The following GRM7 variants were observed in gnomAD, a reference collection of about 807,000 sequenced individuals.
The protein encoded by GRM7 is metabotropic glutamate receptor 7.
Under a neutral mutation model 84.5 loss-of-function variants are expected in GRM7, and 35 were observed. The ratio of observed to expected loss-of-function variants is 0.41; its 90% CI spans 0.32 to 0.55. The LOEUF is 0.55. Among genes scored for constraint, GRM7 ranks in the 20% least tolerant of loss-of-function variants. The pLI is 0.19. For missense variants in GRM7, 1,003 were observed against 1,194.6 expected (o/e 0.84, Z 2.36); for synonymous variants, 487 against 455.1 (o/e 1.07, Z -0.89).
chr3:7,516,432 G>A lies in GRM7; in HGVS notation c.1515+54710G>A, dbSNP rs113183281. On this transcript the variant is annotated intron_variant, in intron 7 of 9. Coordinates refer to ENST00000357716, the MANE Select transcript of GRM7 (RefSeq NM_000844.4). ...GTGGAGCTTGCAGTGAGCCGATATC[G>A]TGCCCCTGCACTCCAGCCTGGGCGG... Among the ~76,000 whole-genome samples the A allele has an allele frequency of 1.9e-3, 237 of 125,110 alleles. 1 individual carries two copies. Among genetic ancestry groups the A allele is most frequent in the African/African-American group, 6.5e-3 (212 of 32,614 alleles). 82.1% of individuals were successfully genotyped at this position (125,110 alleles called of 152,430 possible). A position where few individuals can be genotyped will look rare whatever the true frequency, so the allele number is the denominator to read the frequency against.
At chr3:7,351,982 G>A (rs1693167571) in intron 4 of GRM7, among the ~76,000 whole-genome samples, 1 of 151,394 alleles carries the variant, frequency 6.6e-6, no homozygotes, top group African/African-American at 2.4e-5. Context: ...GCGATTATGT[G>A]AGCCAATTCC....
intron 1 of GRM7, among the ~76,000 whole-genome samples, chr3:6,877,948 AC>A (rs1045405969): frequency 9.1e-6 from 1 of 109,472 alleles, no homozygotes; most frequent in African/African-American, 3.8e-5. Context: ...TCAATAACTT[AC>A]TTTTTTTTTT....
At chr3:7,542,733 A>G (rs922368861) in intron 7 of GRM7, among the ~76,000 whole-genome samples, 4 of 151,906 alleles carry the variant, frequency 2.6e-5, no homozygotes, top group Non-Finnish European at 4.4e-5. Context: ...TTTTTAGTAG[A>G]GACAGGTTTT....
rs759920606 is a variant in GRM7 at position 7,578,647 on chromosome 3, A to G, written c.1741A>G (p.Ile581Val). The G allele has an allele frequency of 2.5e-6, 4 of 1,613,844 alleles. No individual in the cohort carries two copies. Among genetic ancestry groups the G allele is most frequent in the Admixed American group, 1.7e-5 (1 of 60,010 alleles). The change falls in exon 8 of 10, where the codon ATC (isoleucine) becomes GTC (valine). Residue 581 changes from isoleucine (I) to valine (V), a missense_variant. Physicochemically the swap from Ile to Val is conservative, Grantham distance 29 (BLOSUM62 3). This residue lies in a region of GRM7 where 910 missense variants were observed against 1,126.0 expected (regional missense o/e 0.81). Coordinates refer to ENST00000357716, the MANE Select transcript of GRM7 (RefSeq NM_000844.4). The part of the protein sequence containing the change: ...ENRTGCQDIP[I>V]IKLEWHSPWA... ...TCGAACCGGATGCCAGGATATTCCC[A>G]TCATCAAACTGGAGTGGCACTCCCC...
intron 7 of GRM7, among the ~76,000 whole-genome samples, chr3:7,498,855 C>G (rs1699790720): frequency 6.6e-6 from 1 of 152,194 alleles, no homozygotes; most frequent in Non-Finnish European, 1.5e-5. Flanking sequence ...CCAGAGCCCT[C>G]CACTTTCTGT....
At chr3:7,502,012 A>G (rs546071177) in intron 7 of GRM7, among the ~76,000 whole-genome samples, 208 of 152,308 alleles carry the variant, frequency 1.4e-3, no homozygotes, top group African/African-American at 4.8e-3. Flanking sequence ...TTTGTAAAAA[A>G]AGTTGGCTTT....
At chr3:7,229,527 T>G (rs2124894719) in intron 2 of GRM7, among the ~76,000 whole-genome samples, 1 of 151,538 alleles carries the variant, frequency 6.6e-6, no homozygotes, top group African/African-American at 2.4e-5. Context: ...ATGAAGATAC[T>G]AGTGATTTTT....
chr3:7,276,800 TTC>T (rs1699085083), intron 2 of GRM7, among the ~76,000 whole-genome samples: 2 of 2,016 alleles, frequency 9.9e-4, no homozygotes, highest in African/African-American at 2.8e-3. Flanking sequence ...CCTTCCTTCC[TTC>T]CTTTTTGGTG....
chr3:6,968,867 C>T (rs756012266), intron 1 of GRM7, among the ~76,000 whole-genome samples: 1 of 152,148 alleles, frequency 6.6e-6, no homozygotes, highest in South Asian at 2.1e-4. Context: ...ACATGTGTAC[C>T]GCTCTGTAGA....
chr3:7,739,783 A>C (rs1702627623), intron 9 of GRM7, among the ~76,000 whole-genome samples: 1 of 152,228 alleles, frequency 6.6e-6, no homozygotes, highest in Non-Finnish European at 1.5e-5. Context: ...TATGTGTCAG[A>C]CACCTGACAG....
chr3:7,130,066 C>G (rs763356752), intron 1 of GRM7, among the ~76,000 whole-genome samples: 2 of 152,144 alleles, frequency 1.3e-5, no homozygotes, highest in African/African-American at 4.8e-5. Flanking sequence ...AACTTTTCCT[C>G]TCTGAGCATT....
chr3:7,492,557 T>C (rs1360531082), intron 7 of GRM7, among the ~76,000 whole-genome samples: 2 of 152,134 alleles, frequency 1.3e-5, no homozygotes, highest in African/African-American at 4.8e-5. Flanking sequence ...TATAGCAATA[T>C]AGTAAATTAT....
At chr3:6,993,232 A>G (rs1157764152) in intron 1 of GRM7, among the ~76,000 whole-genome samples, 3 of 152,224 alleles carry the variant, frequency 2.0e-5, no homozygotes, top group Non-Finnish European at 2.9e-5. Flanking sequence ...TCATGATTCA[A>G]TTACCTCACA....
At position 6,880,729 on chromosome 3, in the gene GRM7, A is replaced by G. The variant is rs542971603; in HGVS notation, c.519+18822A>G. Among the ~76,000 whole-genome samples, 141 of 152,208 alleles carry G rather than the reference A, an allele frequency of 9.3e-4. 1 individual carries two copies. The highest frequency in any genetic ancestry group is 1.6e-3 in the Admixed American group (24 of 15,270). The stretch of plus-strand genomic sequence containing the variant: ...TCTCTCACTCGTCTTTGTCAAAAGC[A>G]TTTCTCAGTGTCTTTATTCCTTCTC... On this transcript the variant is annotated intron_variant, in intron 1 of 9. Transcript: ENST00000357716.
intron 1 of GRM7, among the ~76,000 whole-genome samples, chr3:6,879,055 G>T (rs532181459): frequency 6.6e-6 from 1 of 152,202 alleles, no homozygotes; most frequent in East Asian, 1.9e-4. Flanking sequence ...TTGGCCAAAG[G>T]TAGTCTAAAA....
intron 9 of GRM7, among the ~76,000 whole-genome samples, chr3:7,725,652 ACCCT>A (rs1409126275): frequency 1.3e-5 from 2 of 152,154 alleles, no homozygotes; most frequent in Non-Finnish European, 2.9e-5. Context: ...AGGGAAGCCA[ACCCT>A]CTGTAGACAG....
intron 1 of GRM7, among the ~76,000 whole-genome samples, chr3:6,932,452 T>G (rs971111594): frequency 3.9e-5 from 6 of 152,156 alleles, no homozygotes; most frequent in African/African-American, 1.2e-4. Context: ...TTTCTTATAG[T>G]TTGGGGACAT....
At chr3:7,200,243 C>T (rs527260633) in intron 2 of GRM7, among the ~76,000 whole-genome samples, 214 of 152,288 alleles carry the variant, frequency 1.4e-3, no homozygotes, top group African/African-American at 4.9e-3. Context: ...TAGGCCCTAC[C>T]TCCTAACACT....
Position 7,064,474 on chromosome 3 carries a change from A to ATG in GRM7, c.520-81977_520-81976insGT, listed in dbSNP as rs1212252147. Among the ~76,000 whole-genome samples, 9 of 106,024 alleles carry ATG rather than the reference A, an allele frequency of 8.5e-5. No individual in the cohort carries two copies. The South Asian group carries it at 2.1e-3, about 25-fold the overall frequency. The allele number at this position is 106,024 out of a possible 152,430, so 69.6% of individuals were successfully genotyped here. A position where few individuals can be genotyped will look rare whatever the true frequency, so the allele number is the denominator to read the frequency against. On this transcript the variant is annotated intron_variant, in intron 1 of 9. Coordinates refer to ENST00000357716, the MANE Select transcript of GRM7 (RefSeq NM_000844.4). ...TATGGATATATATACATATATATAT[A>ATG]TATATACACACATATACATATATAT...
Sources: gnomAD v4.1 joint callset for allele counts (sites outside exome capture counted in the v4.1 genomes callset) on GRCh38, gnomAD v4.1.1 for gene constraint, gnomAD v4.1.1 regional missense constraint, MANE v1.5 for transcripts, NCBI Gene and HGNC (gene_info 2026-07-23, HGNC 2026-07-21) for gene names.